Variants in SRGAP3 observed in about 807,000 individuals in gnomAD.
SRGAP3 encodes the protein SLIT-ROBO Rho GTPase-activating protein 3.
A neutral mutation model predicts 121.1 loss-of-function variants in SRGAP3; 39 were observed. That is an observed-to-expected ratio of 0.32 (90% CI 0.25 to 0.42). The LOEUF (loss-of-function observed/expected upper bound fraction) is 0.42. SRGAP3 is among the 10% of genes least tolerant of loss of function. SRGAP3 has a pLI of 1.00. For synonymous variants in SRGAP3, 601 were observed against 570.0 expected, an observed-to-expected ratio of 1.05 and a Z score of -0.77; for missense variants, 1,213 against 1,470.6, an observed-to-expected ratio of 0.82 and a Z score of 2.86.
chr3:9,253,070 T>C (rs73021242), upstream of SRGAP3, among the ~76,000 whole-genome samples: 115 of 152,332 alleles, frequency 7.5e-4, no homozygotes, highest in Non-Finnish European at 1.2e-3. Context: ...TTATCACTGA[T>C]TTTTTGCTAC....
At chr3:9,084,295 T>C (rs1277333847) in intron 3 of SRGAP3, among the ~76,000 whole-genome samples, 10 of 152,158 alleles carry the variant, frequency 6.6e-5, no homozygotes, top group Admixed American at 5.2e-4. Flanking sequence ...CTGGAGGCCA[T>C]CCCAACTCAA....
At chr3:9,276,111 T>C (rs1954571234) in intron 3 of SRGAP3, among the ~76,000 whole-genome samples, 3 of 152,098 alleles carry the variant, frequency 2.0e-5, no homozygotes, top group Admixed American at 2.0e-4. Context: ...TGAATCAAGA[T>C]TATCACCATC....
intron 12 of SRGAP3, among the ~76,000 whole-genome samples, chr3:9,030,463 T>C (rs554808447): frequency 2.6e-5 from 4 of 152,310 alleles, no homozygotes; most frequent in South Asian, 2.1e-4. Context: ...TTTGAATACA[T>C]AGTCTTGGCC....
Position 9,340,987 on chromosome 3 carries a change from G to T in SRGAP3, n.215-10391C>A, listed in dbSNP as rs561264400. On this transcript the variant is annotated intron_variant and non_coding_transcript_variant, in intron 1 of 3. Coordinates refer to the SRGAP3 transcript ENST00000490889. ...CTGGAAGTCCAAGATCAAGGAGCCA[G>T]TATGGCTGGGTTTTGGTGAGGGCCT... 2.3e-4 allele frequency among the ~76,000 whole-genome samples: 35 copies of T among 152,330 alleles called. No individual in the cohort carries two copies. The Middle Eastern group carries it at 0.01, about 44-fold the overall frequency.
intron 1 of SRGAP3, among the ~76,000 whole-genome samples, chr3:9,206,701 T>C (rs1237649828): frequency 6.6e-6 from 1 of 152,122 alleles, no homozygotes; most frequent in African/African-American, 2.4e-5. Context: ...ATTCAGGTCT[T>C]AGCACAAAGA....
intron 3 of SRGAP3, among the ~76,000 whole-genome samples, chr3:9,276,579 C>G (rs1054632852): frequency 2.0e-5 from 3 of 152,130 alleles, no homozygotes; most frequent in African/African-American, 7.2e-5. Flanking sequence ...GCACACACCA[C>G]CACACCTGGC....
At chr3:9,092,224 T>C (rs1947787691) in intron 3 of SRGAP3, among the ~76,000 whole-genome samples, 1 of 152,018 alleles carries the variant, frequency 6.6e-6, no homozygotes, top group African/African-American at 2.4e-5. Context: ...AGTCCAAGGA[T>C]ACCTCGGAAT....
intron 1 of SRGAP3, among the ~76,000 whole-genome samples, chr3:9,143,050 G>C (rs2125037892): frequency 6.6e-6 from 1 of 151,910 alleles, no homozygotes; most frequent in South Asian, 2.1e-4. Context: ...ATGTGGCCCA[G>C]GCTGGTCGAG....
chr3:9,132,150 G>A (rs896178195), intron 1 of SRGAP3, among the ~76,000 whole-genome samples: 2 of 152,050 alleles, frequency 1.3e-5, no homozygotes, highest in Admixed American at 6.6e-5. Flanking sequence ...TGACCAGAAA[G>A]TACAGAGAGT....
In SRGAP3 at chr3:9,013,748, A is replaced by G; in HGVS notation, c.1908T>C (p.Ala636=). The G allele has an allele frequency of 6.2e-7, 1 of 1,614,214 alleles. No individual in the cohort carries two copies. Among genetic ancestry groups the G allele is most frequent in the Non-Finnish European group, 8.5e-7 (1 of 1,180,040 alleles). The part of the protein sequence containing the change: ...VVIVVMRYLF[A]FLNHLSQYSD... ...GGCCAGACACTCACTGGTTGAGGAA[A>G]GCGAAGAGGTATCTCATGACCACAA... is the stretch of plus-strand genomic sequence containing the variant. Residue 636 remains alanine, a synonymous_variant, in exon 16 of 22, where the codon GCT becomes GCC. Coordinates refer to ENST00000383836, the MANE Select transcript of SRGAP3 (RefSeq NM_014850.4).
chr3:9,268,177 C>A (rs1057024466), intron 3 of SRGAP3, among the ~76,000 whole-genome samples: 1 of 152,086 alleles, frequency 6.6e-6, no homozygotes, highest in Non-Finnish European at 1.5e-5. Flanking sequence ...AGCCATAACC[C>A]CCAATGTGAT....
intron 1 of SRGAP3, among the ~76,000 whole-genome samples, chr3:9,168,769 C>A (rs1219688998): frequency 6.6e-6 from 1 of 152,200 alleles, no homozygotes; most frequent in East Asian, 1.9e-4. Flanking sequence ...AAAGGAAAAA[C>A]CTATTGATTC....
At chr3:9,081,261 C>A in intron 3 of SRGAP3, 1 of 456,696 alleles carries the variant, frequency 2.2e-6, no homozygotes, top group Middle Eastern at 3.3e-4. Flanking sequence ...CTTACCATTG[C>A]CTAGATCCTG....
At chr3:9,268,640 G>A (rs772414301) in intron 3 of SRGAP3, among the ~76,000 whole-genome samples, 9 of 151,986 alleles carry the variant, frequency 5.9e-5, no homozygotes, top group Non-Finnish European at 1.2e-4. Context: ...CGAGGACCCA[G>A]GTAAGGCAAA....
chr3:9,298,810 G>C (rs1396612436), intron 3 of SRGAP3, among the ~76,000 whole-genome samples: 1 of 150,900 alleles, frequency 6.6e-6, no homozygotes, highest in East Asian at 1.9e-4. Flanking sequence ...TCAGCATTTT[G>C]GGAGGCCGAG....
intron 2 of SRGAP3, among the ~76,000 whole-genome samples, chr3:9,329,508 A>G (rs1278281578): frequency 6.6e-6 from 1 of 152,246 alleles, no homozygotes; most frequent in Non-Finnish European, 1.5e-5. Flanking sequence ...TTGCCCTCAG[A>G]TGGGCCCCTC....
At chr3:9,286,144 ACACACACACACACACAC>A (rs1410502318) in intron 3 of SRGAP3, among the ~76,000 whole-genome samples, 71 of 151,602 alleles carry the variant, frequency 4.7e-4, no homozygotes, top group African/African-American at 1.6e-3. Flanking sequence ...ACACACACAC[ACACACACACACACACAC>A]ATTTATCTGT....
intron 3 of SRGAP3, among the ~76,000 whole-genome samples, chr3:9,266,611 G>C (rs543754135): frequency 6.6e-6 from 1 of 152,180 alleles, no homozygotes; most frequent in African/African-American, 2.4e-5. Context: ...ACTCTCACTG[G>C]AGGCCTCCTT....
At chr3:9,116,893 A>G (rs412427) in intron 2 of SRGAP3, among the ~76,000 whole-genome samples, 62,537 of 152,118 alleles carry the variant, frequency 0.41, 15,559 homozygotes, top group African/African-American at 0.7. Context: ...CCCCTTCTTC[A>G]CAGACCACAT....
Sources: gnomAD v4.1 joint callset for allele counts (sites outside exome capture counted in the v4.1 genomes callset) on GRCh38, gnomAD v4.1.1 for gene constraint, MANE v1.5 for transcripts, NCBI Gene and HGNC (gene_info 2026-07-23, HGNC 2026-07-21) for gene names.